The following CDYL2 variants were observed in gnomAD, a reference collection of about 807,000 sequenced individuals.
CDYL2 encodes the protein chromodomain Y like 2.
In CDYL2, 23 loss-of-function variants were observed where a neutral mutation model predicts 49.4. The ratio of observed to expected loss-of-function variants is 0.47; its 90% confidence interval spans 0.34 to 0.66. The LOEUF (loss-of-function observed/expected upper bound fraction) is 0.66. Among genes scored for constraint, CDYL2 ranks in the 30% least tolerant of loss-of-function variants. The pLI, the probability that CDYL2 is intolerant of heterozygous loss-of-function variation, is 0.01. For synonymous variants in CDYL2, 360 were observed against 268.8 expected, an observed-to-expected ratio of 1.34 and a Z score of -3.32; for missense variants, 678 against 656.4, an observed-to-expected ratio of 1.03 and a Z score of -0.36.
intron 1 of CDYL2, among the ~76,000 whole-genome samples, chr16:80,766,451 A>G (rs1906729180): frequency 6.6e-6 from 1 of 152,222 alleles, no homozygotes; most frequent in Admixed American, 6.5e-5. Context: ...AGTGTTGACC[A>G]ATATTCAATG....
intron 2 of CDYL2, among the ~76,000 whole-genome samples, chr16:80,683,958 C>T (rs1254080439): frequency 1.3e-5 from 2 of 152,238 alleles, no homozygotes; most frequent in Non-Finnish European, 2.9e-5. Context: ...CCTGAACAGA[C>T]TAAGACAGGA....
chr16:80,659,167 T>C (rs566523153), intron 2 of CDYL2, among the ~76,000 whole-genome samples: 27 of 152,202 alleles, frequency 1.8e-4, no homozygotes, highest in African/African-American at 6.5e-4. Flanking sequence ...TATCAGCTAG[T>C]TCAGTGCATA....
At chr16:80,676,963 A>ATTTTT (rs35188796) in intron 2 of CDYL2, among the ~76,000 whole-genome samples, 125 of 60,054 alleles carry the variant, frequency 2.1e-3, no homozygotes, top group African/African-American at 2.7e-3. Flanking sequence ...AATTCAATGT[A>ATTTTT]TTTTTTTTTT....
At chr16:80,723,249 T>G (rs1215148850) in intron 1 of CDYL2, among the ~76,000 whole-genome samples, 1 of 152,230 alleles carries the variant, frequency 6.6e-6, no homozygotes, top group Non-Finnish European at 1.5e-5. Flanking sequence ...GCACAAAGGC[T>G]GCATTCACCT....
intron 1 of CDYL2, among the ~76,000 whole-genome samples, chr16:80,797,574 C>A (rs1439451137): frequency 6.6e-6 from 1 of 151,978 alleles, no homozygotes; most frequent in Non-Finnish European, 1.5e-5. Flanking sequence ...TTTTTTCCAG[C>A]ATACCTGGTA....
At chr16:80,782,377 G>A (rs1048641498) in intron 1 of CDYL2, among the ~76,000 whole-genome samples, 2 of 151,636 alleles carry the variant, frequency 1.3e-5, no homozygotes, top group African/African-American at 4.8e-5. Flanking sequence ...AAAAGGCCAA[G>A]ACCAAGCCTT....
At chr16:80,709,498 C>T (rs1203287366) in intron 1 of CDYL2, among the ~76,000 whole-genome samples, 1 of 151,570 alleles carries the variant, frequency 6.6e-6, no homozygotes, top group Non-Finnish European at 1.5e-5. Context: ...CCATGAGAAG[C>T]ACTAGATGAA....
intron 1 of CDYL2, among the ~76,000 whole-genome samples, chr16:80,733,591 G>A (rs578164492): frequency 1.3e-4 from 20 of 152,276 alleles, no homozygotes; most frequent in Admixed American, 1.1e-3. Context: ...AGAAATGCCT[G>A]AGCAAGAGGA....
Position 80,804,272 on chromosome 16 carries a change from CGTGTGTGTGCGA to C in CDYL2, c.-111_-100del. ...TCCGGTGTGCGCGTGTGTGTGCGCGCGTGTGTGTGCGAGTGTGTGTGGTGTGTTGAGTAAACT... is the reference window on the plus strand; with the variant it reads ...TCCGGTGTGCGCGTGTGTGTGCGCGCGTGTGTGTGGTGTGTTGAGTAAACT... On this transcript the variant is annotated 5_prime_UTR_variant, in exon 1 of 7. Transcript: ENST00000570137. 9.1e-7 allele frequency: 1 copy of C among 1,096,492 alleles called. No homozygotes were observed. Among genetic ancestry groups the C allele is most frequent in the Non-Finnish European group, 1.2e-6 (1 of 830,198 alleles). The allele number at this position is 1,096,492 out of a possible 1,614,324, so 67.9% of individuals were successfully genotyped here.
chr16:80,682,069 T>C (rs1373265559), intron 2 of CDYL2, among the ~76,000 whole-genome samples: 1 of 152,182 alleles, frequency 6.6e-6, no homozygotes, highest in Non-Finnish European at 1.5e-5. Flanking sequence ...GGCTCCACCC[T>C]AGACTTAGGA....
intron 1 of CDYL2, among the ~76,000 whole-genome samples, chr16:80,754,381 T>A (rs1261827548): frequency 6.6e-6 from 1 of 152,138 alleles, no homozygotes; most frequent in East Asian, 1.9e-4. Flanking sequence ...AAACAGAGAT[T>A]AAGCCACAAG....
At chr16:80,690,133 A>T (rs1468127508) in intron 1 of CDYL2, among the ~76,000 whole-genome samples, 2 of 150,502 alleles carry the variant, frequency 1.3e-5, no homozygotes, top group Non-Finnish European at 2.9e-5. Flanking sequence ...AAATAAAAAA[A>T]AAATAAAAAA....
chr16:80,633,655 C>T (rs998840582), intron 2 of CDYL2, among the ~76,000 whole-genome samples: 10 of 152,278 alleles, frequency 6.6e-5, no homozygotes, highest in African/African-American at 2.2e-4. Context: ...TAAGCACCAC[C>T]CTCAAATACA....
intron 1 of CDYL2, among the ~76,000 whole-genome samples, chr16:80,710,588 A>G (rs111307109): frequency 5.9e-5 from 9 of 152,378 alleles, no homozygotes; most frequent in South Asian, 2.1e-4. Context: ...TATATTGTTC[A>G]GTGAATAGAA....
At chr16:80,697,967 T>C (rs1271745813) in intron 1 of CDYL2, among the ~76,000 whole-genome samples, 1 of 152,174 alleles carries the variant, frequency 6.6e-6, no homozygotes, top group Admixed American at 6.5e-5. Flanking sequence ...ATGGCCATAC[T>C]AGCCGAAATG....
chr16:80,677,072 G>C (rs965977659), intron 2 of CDYL2, among the ~76,000 whole-genome samples: 1 of 146,524 alleles, frequency 6.8e-6, no homozygotes, highest in South Asian at 2.2e-4. Flanking sequence ...CTGGGCTCAA[G>C]TGATCCTCCC....
intron 1 of CDYL2, among the ~76,000 whole-genome samples, chr16:80,771,732 A>G (rs1906912210): frequency 7.2e-6 from 1 of 138,650 alleles, no homozygotes; most frequent in African/African-American, 3.4e-5. Flanking sequence ...TTCAAAAGCA[A>G]AAAAAAAATG....
chr16:80,636,235 G>A (rs900435426), intron 2 of CDYL2, among the ~76,000 whole-genome samples: 4 of 152,164 alleles, frequency 2.6e-5, no homozygotes, highest in African/African-American at 9.7e-5. Context: ...AAGAGCTTCT[G>A]TACAGCAAAA....
intron 4 of CDYL2, among the ~76,000 whole-genome samples, chr16:80,615,063 C>T (rs763012647): frequency 2.0e-5 from 3 of 152,134 alleles, no homozygotes; most frequent in South Asian, 2.1e-4. Context: ...CATAAAAGTA[C>T]GTGCCTCTGA....
Sources: gnomAD v4.1 joint callset for allele counts (sites outside exome capture counted in the v4.1 genomes callset) on GRCh38, gnomAD v4.1.1 for gene constraint, MANE v1.5 for transcripts, NCBI Gene and HGNC (gene_info 2026-07-23, HGNC 2026-07-21) for gene names.